Variants in SMAD3 observed in about 807,000 individuals in gnomAD.
The protein encoded by SMAD3 is SMAD family member 3.
SMAD3 carries 12 observed loss-of-function variants against 51.8 expected under a neutral mutation model. The ratio of observed to expected loss-of-function variants is 0.23; its 90% CI spans 0.15 to 0.38. SMAD3 has a LOEUF of 0.38. Among genes scored for constraint, SMAD3 ranks in the 10% least tolerant of loss-of-function variants. The pLI is 1.00. For synonymous variants in SMAD3, 238 were observed against 227.7 expected, an observed-to-expected ratio of 1.05 and a Z score of -0.41; for missense variants, 294 against 565.6, an observed-to-expected ratio of 0.52 and a Z score of 4.87.
intron 1 of SMAD3, among the ~76,000 whole-genome samples, chr15:67,071,363 A>G (rs1044982367): frequency 6.6e-6 from 1 of 152,220 alleles, no homozygotes; most frequent in Non-Finnish European, 1.5e-5. Context: ...CTGAACAGCT[A>G]GTGACTTGGG....
At chr15:67,154,455 C>T (rs889701975) in intron 1 of SMAD3, among the ~76,000 whole-genome samples, 1 of 152,180 alleles carries the variant, frequency 6.6e-6, no homozygotes, top group African/African-American at 2.4e-5. Flanking sequence ...TGGGAACACT[C>T]AGGAAACTCA....
At chr15:67,170,708 C>T (rs1962727321) in intron 5 of SMAD3, 104 bp downstream of exon 5, 1 of 976,214 alleles carries the variant, frequency 1.0e-6, no homozygotes. Flanking sequence ...TCCCCCGACC[C>T]CTACCATCAG....
intron 6 of SMAD3, among the ~76,000 whole-genome samples, chr15:67,183,322 G>A (rs1217143331): frequency 1.3e-5 from 2 of 151,914 alleles, no homozygotes; most frequent in Non-Finnish European, 2.9e-5. Flanking sequence ...GGGATTACAG[G>A]TGTGAGCCAC....
chr15:67,191,035 G>GCCCCCCCCCCCCCCCCC lies in SMAD3; in HGVS notation c.*503_*504insCCCCCCCCCCCCCCCCC. 8.9e-6 allele frequency: 2 copies of GCCCCCCCCCCCCCCCCC among 224,534 alleles called. No homozygotes were observed. The highest frequency in any genetic ancestry group is 1.8e-4 in the South Asian group (1 of 5,674). 13.9% of individuals were successfully genotyped at this position (224,534 alleles called of 1,614,324 possible). A position where few individuals can be genotyped will look rare whatever the true frequency, so the allele number is the denominator to read the frequency against. ...TCTTCCAGTGAACATTCCCAGCCCA[G>GCCCCCCCCCCCCCCCCC]CCCCGCCCCGCCCCGCCCCACCACT... On this transcript the variant is annotated 3_prime_UTR_variant, in exon 9 of 9. Transcript: ENST00000327367.
chr15:67,132,993 A>G (rs887563838), intron 1 of SMAD3, among the ~76,000 whole-genome samples: 2 of 152,182 alleles, frequency 1.3e-5, no homozygotes, highest in African/African-American at 4.8e-5. Flanking sequence ...CCTGCAAAGC[A>G]TCATCAGCTT....
At chr15:67,123,709 AAT>A (rs1215195515) in intron 1 of SMAD3, among the ~76,000 whole-genome samples, 1 of 152,208 alleles carries the variant, frequency 6.6e-6, no homozygotes, top group Non-Finnish European at 1.5e-5. Flanking sequence ...CTTATTTTGA[AAT>A]AGTCTTTTTT....
chr15:67,157,401 G>A (rs1962312081), intron 1 of SMAD3, among the ~76,000 whole-genome samples: 1 of 152,194 alleles, frequency 6.6e-6, no homozygotes. Flanking sequence ...TATCTCCCAT[G>A]TATCAGCCCT....
chr15:67,091,985 A>G (rs1318251709), intron 1 of SMAD3, among the ~76,000 whole-genome samples: 2 of 152,236 alleles, frequency 1.3e-5, no homozygotes, highest in Non-Finnish European at 2.9e-5. Context: ...TGGTGTTCCC[A>G]GAGCCCAGGG....
At chr15:67,166,756 A>G (rs1440861690) in intron 3 of SMAD3, 23 bp from the exon 4 acceptor site, 8 of 1,559,552 alleles carry the variant, frequency 5.1e-6, no homozygotes, top group Non-Finnish European at 7.0e-6. Flanking sequence ...CTTTTAACAG[A>G]CCACCTTCCT....
chr15:67,132,420 A>ACCAGAATGTGC (rs1961547564), intron 1 of SMAD3, among the ~76,000 whole-genome samples: 4 of 152,162 alleles, frequency 2.6e-5, no homozygotes, highest in Non-Finnish European at 5.9e-5. Context: ...GGCAAGATGG[A>ACCAGAATGTGC]AGCTAGACCA....
At chr15:67,187,921 C>CT (rs1963262672) in intron 8 of SMAD3, among the ~76,000 whole-genome samples, 1 of 152,082 alleles carries the variant, frequency 6.6e-6, no homozygotes, top group South Asian at 2.1e-4. Context: ...AGGCAGATGG[C>CT]TTTAGGATGA....
chr15:67,135,289 C>T (rs1171511097), intron 1 of SMAD3, among the ~76,000 whole-genome samples: 1 of 152,190 alleles, frequency 6.6e-6, no homozygotes, highest in Non-Finnish European at 1.5e-5. Context: ...TGGGTCCCAG[C>T]CTGTACCAAA....
At chr15:67,098,309 T>G (rs1319505444) in intron 1 of SMAD3, among the ~76,000 whole-genome samples, 1 of 55,378 alleles carries the variant, frequency 1.8e-5, no homozygotes, top group Non-Finnish European at 3.4e-5. Flanking sequence ...CAAGACAGAT[T>G]AAAAAAGAAG....
At chr15:67,084,684 A>G (rs1419996901) in intron 1 of SMAD3, among the ~76,000 whole-genome samples, 9 of 152,242 alleles carry the variant, frequency 5.9e-5, no homozygotes, top group Non-Finnish European at 2.9e-5. Flanking sequence ...TCCCAGGGTG[A>G]AATGAGACCT....
chr15:67,111,285 T>G (rs8042853), intron 1 of SMAD3, among the ~76,000 whole-genome samples: 1 of 152,234 alleles, frequency 6.6e-6, no homozygotes, highest in South Asian at 2.1e-4. Context: ...CTTAACATAT[T>G]TTCAGGGTTC....
rs999637975 is a variant in SMAD3, at chr15:67,084,896, C to T, written c.206+18536C>T. On this transcript the variant is annotated intron_variant, in intron 1 of 8. Coordinates refer to ENST00000327367, the MANE Select transcript of SMAD3 (RefSeq NM_005902.4). ...AACCAACAATCAGCTCTCTCTTATC[C>T]GTAAGAAACTAGAATCTACTGCTGG... Among the ~76,000 whole-genome samples the T allele has an allele frequency of 1.2e-4, 19 of 152,164 alleles. 1 individual carries two copies. Among genetic ancestry groups the T allele is most frequent in the South Asian group, 1.0e-3 (5 of 4,828 alleles).
intron 6 of SMAD3, among the ~76,000 whole-genome samples, chr15:67,182,746 A>G (rs1963093348): frequency 6.6e-6 from 1 of 151,908 alleles, no homozygotes; most frequent in Admixed American, 6.6e-5. Context: ...AGTGACAGAC[A>G]GCCACCACTA....
chr15:67,178,863 C>T (rs1318653992), intron 5 of SMAD3, among the ~76,000 whole-genome samples: 1 of 152,176 alleles, frequency 6.6e-6, no homozygotes, highest in African/African-American at 2.4e-5. Flanking sequence ...TCATTCCTCC[C>T]TTCCCCATTA....
intron 1 of SMAD3, among the ~76,000 whole-genome samples, chr15:67,089,059 CA>C (rs1338424127): frequency 1.3e-5 from 2 of 152,260 alleles, no homozygotes; most frequent in East Asian, 3.9e-4. Flanking sequence ...CACACAGTTC[CA>C]GGGAGACCCC....
Sources: gnomAD v4.1 joint callset for allele counts (sites outside exome capture counted in the v4.1 genomes callset) on GRCh38, gnomAD v4.1.1 for gene constraint, MANE v1.5 for transcripts, NCBI Gene and HGNC (gene_info 2026-07-23, HGNC 2026-07-21) for gene names.